Variants in SPAG16 observed in about 807,000 individuals in gnomAD.
SPAG16 encodes the protein sperm-associated antigen 16 protein.
Under a neutral mutation model 80.4 loss-of-function variants are expected in SPAG16, and 86 were observed. The ratio of observed to expected loss-of-function variants is 1.07; its 90% CI spans 0.90 to 1.28. The LOEUF (loss-of-function observed/expected upper bound fraction) is 1.28. Among genes scored for constraint, SPAG16 ranks in the 50% most tolerant of loss-of-function variants. The probability of loss-of-function intolerance (pLI) is 0.00; values close to 1 mark genes in which losing one functional copy is unlikely to be tolerated. For missense variants in SPAG16, 870 were observed against 765.3 expected (o/e 1.14, Z -1.61); for synonymous variants, 294 against 265.9 (o/e 1.11, Z -1.03).
intron 9 of SPAG16, among the ~76,000 whole-genome samples, chr2:213,428,551 G>T (rs554774075): frequency 6.6e-6 from 1 of 152,252 alleles, no homozygotes; most frequent in African/African-American, 2.4e-5. Context: ...CAACAGAGGG[G>T]CTCCCACAGC....
intron 15 of SPAG16, among the ~76,000 whole-genome samples, chr2:214,224,049 A>G (rs542618842): frequency 1.3e-5 from 2 of 152,344 alleles, no homozygotes; most frequent in South Asian, 4.1e-4. Flanking sequence ...ATGTAAGTGC[A>G]AAGACCAGCT....
chr2:213,917,667 CT>C (rs2078032255), intron 11 of SPAG16, among the ~76,000 whole-genome samples: 2 of 152,042 alleles, frequency 1.3e-5, no homozygotes, highest in Admixed American at 6.6e-5. Context: ...GATCAGGGAA[CT>C]TTTGGGCCAA....
At chr2:214,356,576 C>T (rs1440553409) in intron 15 of SPAG16, among the ~76,000 whole-genome samples, 2 of 151,740 alleles carry the variant, frequency 1.3e-5, no homozygotes, top group Non-Finnish European at 2.9e-5. Context: ...AGCCCCACCC[C>T]AACCATATTT....
chr2:214,298,113 TACACAC>T (rs34626747), intron 15 of SPAG16, among the ~76,000 whole-genome samples: 8 of 41,450 alleles, frequency 1.9e-4, no homozygotes, highest in African/African-American at 3.4e-4. Flanking sequence ...TATATATATA[TACACAC>T]ACACACACAC....
chr2:213,832,400 T>G (rs1415787902), intron 10 of SPAG16, among the ~76,000 whole-genome samples: 2 of 152,136 alleles, frequency 1.3e-5, no homozygotes, highest in Non-Finnish European at 2.9e-5. Context: ...GGAATCAATG[T>G]CTTTCTGACT....
Position 213,938,238 on chromosome 2 carries a change from T to C in SPAG16, c.1400+8093T>C, listed in dbSNP as rs949867576. On this transcript the variant is annotated intron_variant, in intron 12 of 15. Transcript: ENST00000331683. ...CAAAATAATCTGGTCAATGCATAAGTCTTAGTCCTCCTCAATGCTGATGAC... is the reference window on the plus strand; with the variant it reads ...CAAAATAATCTGGTCAATGCATAAGCCTTAGTCCTCCTCAATGCTGATGAC... Among the ~76,000 whole-genome samples, 11 of 152,170 alleles carry C rather than the reference T, an allele frequency of 7.2e-5. No homozygotes were observed. In the East Asian group the frequency reaches 1.7e-3, roughly 24 times the overall value.
intron 10 of SPAG16, among the ~76,000 whole-genome samples, chr2:213,531,757 CA>C (rs1309138759): frequency 6.6e-6 from 1 of 152,092 alleles, no homozygotes; most frequent in Non-Finnish European, 1.5e-5. Flanking sequence ...TCTCATTCAT[CA>C]AAAAGGTCCT....
At chr2:214,273,761 A>G (rs1195429171) in intron 15 of SPAG16, among the ~76,000 whole-genome samples, 1 of 152,108 alleles carries the variant, frequency 6.6e-6, no homozygotes, top group Non-Finnish European at 1.5e-5. Flanking sequence ...TTTGCTTAGG[A>G]TTGCCTTGGC....
intron 10 of SPAG16, among the ~76,000 whole-genome samples, chr2:213,670,692 G>C (rs1285617843): frequency 6.6e-6 from 1 of 152,086 alleles, no homozygotes. Flanking sequence ...AGTGCTGATT[G>C]ATCACCAGAG....
At chr2:213,586,279 A>C (rs1194395970) in intron 10 of SPAG16, among the ~76,000 whole-genome samples, 1 of 152,218 alleles carries the variant, frequency 6.6e-6, no homozygotes, top group Admixed American at 6.5e-5. Context: ...TGTTTCTCAC[A>C]GTTCTAAAGG....
intron 10 of SPAG16, among the ~76,000 whole-genome samples, chr2:213,754,419 A>G (rs762525459): frequency 3.9e-5 from 6 of 152,278 alleles, no homozygotes; most frequent in Non-Finnish European, 5.9e-5. Flanking sequence ...TTATTTTTCT[A>G]TACTAGTTGA....
At chr2:213,374,461 C>CT (rs901232822) in intron 8 of SPAG16, among the ~76,000 whole-genome samples, 4 of 151,988 alleles carry the variant, frequency 2.6e-5, no homozygotes, top group African/African-American at 9.7e-5. Context: ...ATGTGAGAGA[C>CT]TTTTTCTGTC....
At chr2:214,024,915 C>T (rs540665905) in intron 13 of SPAG16, among the ~76,000 whole-genome samples, 4 of 151,622 alleles carry the variant, frequency 2.6e-5, no homozygotes, top group Admixed American at 6.6e-5. Flanking sequence ...GTCTTTTCTG[C>T]CTTGAGCATA....
intron 9 of SPAG16, among the ~76,000 whole-genome samples, chr2:213,435,630 T>G (rs2070586508): frequency 6.6e-6 from 1 of 152,178 alleles, no homozygotes; most frequent in Non-Finnish European, 1.5e-5. Context: ...AAGATACCAA[T>G]TATTCTCTTT....
intron 13 of SPAG16, among the ~76,000 whole-genome samples, chr2:214,099,707 T>C (rs527979454): frequency 9.2e-5 from 14 of 152,178 alleles, no homozygotes; most frequent in Admixed American, 7.2e-4. Flanking sequence ...TAACTTTTCA[T>C]TGGAGAGTGT....
intron 11 of SPAG16, among the ~76,000 whole-genome samples, chr2:213,877,304 G>GT (rs551418955): frequency 4.0e-5 from 6 of 151,794 alleles, no homozygotes; most frequent in African/African-American, 1.5e-4. Flanking sequence ...TGATACATGG[G>GT]TTTTTTTGTT....
At chr2:214,054,587 G>A (rs1408511195) in intron 13 of SPAG16, among the ~76,000 whole-genome samples, 1 of 152,142 alleles carries the variant, frequency 6.6e-6, no homozygotes, top group Admixed American at 6.5e-5. Context: ...ATGAGAATGA[G>A]AGTTGAGGCA....
At chr2:214,112,543 T>C (rs951734777) in intron 14 of SPAG16, among the ~76,000 whole-genome samples, 6 of 152,204 alleles carry the variant, frequency 3.9e-5, no homozygotes, top group Admixed American at 3.3e-4. Flanking sequence ...TCTTGTTTAA[T>C]TGATCCCTTT....
rs1464295460 is a variant in SPAG16 at position 213,978,723 on chromosome 2, C to T, written c.1401-35228C>T. ...AGAATCTCTTGTGATGCTATAGGCACATTGTTTTCTGGTGCTGCAGTATTC... is the reference window on the plus strand; with the variant it reads ...AGAATCTCTTGTGATGCTATAGGCATATTGTTTTCTGGTGCTGCAGTATTC... On this transcript the variant is annotated intron_variant, in intron 12 of 15. Coordinates refer to ENST00000331683, the MANE Select transcript of SPAG16 (RefSeq NM_024532.5). 3.3e-5 allele frequency among the ~76,000 whole-genome samples: 5 copies of T among 152,074 alleles called. No individual in the cohort carries two copies. The East Asian group carries it at 9.7e-4, about 29-fold the overall frequency.
Sources: gnomAD v4.1 joint callset for allele counts (sites outside exome capture counted in the v4.1 genomes callset) on GRCh38, gnomAD v4.1.1 for gene constraint, MANE v1.5 for transcripts, NCBI Gene and HGNC (gene_info 2026-07-23, HGNC 2026-07-21) for gene names.